The following EIF4ENIF1 variants were observed in gnomAD, a reference collection of about 807,000 sequenced individuals.
The protein encoded by EIF4ENIF1 is eukaryotic translation initiation factor 4E transporter.
In EIF4ENIF1, 23 loss-of-function variants were observed where a neutral mutation model predicts 110.5. That is an observed-to-expected ratio of 0.21 (90% CI 0.15 to 0.29). The LOEUF (loss-of-function observed/expected upper bound fraction) is 0.29, where lower values mean the gene tolerates loss of function less well. EIF4ENIF1 is among the 10% of genes least tolerant of loss of function. The probability of loss-of-function intolerance (pLI) is 1.00; values close to 1 mark genes in which losing one functional copy is unlikely to be tolerated. For synonymous variants in EIF4ENIF1, 440 were observed against 437.0 expected, an observed-to-expected ratio of 1.01 and a Z score of -0.09; for missense variants, 1,031 against 1,221.1, an observed-to-expected ratio of 0.84 and a Z score of 2.32.
At chr22:31,493,395 C>T (rs953643030), upstream of EIF4ENIF1, among the ~76,000 whole-genome samples, 1 of 152,008 alleles carries the variant, frequency 6.6e-6, no homozygotes, top group African/African-American at 2.4e-5. Context: ...GTGGCACAAT[C>T]GGCTCACTCA....
At chr22:31,486,469 A>T (rs28867107) in intron 2 of EIF4ENIF1, among the ~76,000 whole-genome samples, 11 of 151,656 alleles carry the variant, frequency 7.3e-5, no homozygotes, top group Admixed American at 2.6e-4. Context: ...GGCTCAAAAA[A>T]AATAATAAAC....
Position 31,440,048 on chromosome 22 carries a change from G to T in EIF4ENIF1, c.2790C>A (p.Ser930Arg). 1 of 1,614,068 alleles carries T rather than the reference G, an allele frequency of 6.2e-7. No individual in the cohort carries two copies. The highest frequency in any genetic ancestry group is 8.5e-7 in the Non-Finnish European group (1 of 1,179,956). ...AGTGCATGTGGGGCAGGCCTGACCG[G>T]CTGGGCACGTTCTGAGGGGTTGTCT... ...SVQTTPQNVPSRSGLPHMHSQ... is the reference protein window; with the variant it reads ...SVQTTPQNVPRRSGLPHMHSQ... Residue 930 changes from serine (S) to arginine (R), a missense_variant, in exon 19 of 19, where the codon AGC becomes AGA. Physicochemically the swap from Ser to Arg is moderately radical, Grantham distance 110. Around this residue, in one of 3 missense-constraint regions of EIF4ENIF1, gnomAD observed 309 missense variants for 299.1 expected, o/e 1.03. Coordinates refer to ENST00000330125, the MANE Select transcript of EIF4ENIF1 (RefSeq NM_019843.4).
At chr22:31,449,320 A>C in intron 12 of EIF4ENIF1, 28 bp downstream of exon 12, 2 of 1,607,544 alleles carry the variant, frequency 1.2e-6, no homozygotes, top group Non-Finnish European at 1.7e-6. Flanking sequence ...ATAAATTCAT[A>C]TTTCTTTTGA....
At chr22:31,454,036 A>G in intron 10 of EIF4ENIF1, 108 bp downstream of exon 10, 1 of 995,768 alleles carries the variant, frequency 1.0e-6, no homozygotes, top group South Asian at 1.7e-5. Flanking sequence ...TGACTACTAA[A>G]GAATTTCCAA....
chr22:31,467,413 AAAC>A (rs1205129766), intron 4 of EIF4ENIF1, among the ~76,000 whole-genome samples: 2 of 152,192 alleles, frequency 1.3e-5, no homozygotes, highest in African/African-American at 2.4e-5. Flanking sequence ...TTTCACCCTT[AAAC>A]AACGTTTCTA....
chr22:31,477,380 AAAAC>A (rs555002263), intron 2 of EIF4ENIF1, among the ~76,000 whole-genome samples: 8,739 of 85,342 alleles, frequency 0.1, 762 homozygotes, highest in African/African-American at 0.2. Flanking sequence ...AAAAACAAAA[AAAAC>A]AAAAAAAGAG....
rs917786977 is a variant in EIF4ENIF1 at position 31,444,441 on chromosome 22, G to A, written c.2073+165C>T. ...TCATTAAAATCCTAAGACTTAGACT[G>A]TGTCCTAAAAGGGAAAGACCTAATA... On this transcript the variant is annotated intron_variant, in intron 15 of 18. Coordinates refer to ENST00000330125, the MANE Select transcript of EIF4ENIF1 (RefSeq NM_019843.4). 4 of 669,046 alleles carry A rather than the reference G, an allele frequency of 6.0e-6. No homozygotes were observed. The East Asian group carries it at 1.1e-4, about 18-fold the overall frequency. 41.4% of individuals were successfully genotyped at this position (669,046 alleles called of 1,614,324 possible).
intron 2 of EIF4ENIF1, among the ~76,000 whole-genome samples, chr22:31,477,638 C>CA (rs1257298929): frequency 1.3e-5 from 2 of 152,174 alleles, no homozygotes; most frequent in African/African-American, 4.8e-5. Context: ...GAGCAGAAGG[C>CA]AGAGTAGCAA....
At chr22:31,461,885 G>C (rs377021645) in intron 6 of EIF4ENIF1, 1 of 152,134 alleles carries the variant, frequency 6.6e-6, no homozygotes, top group South Asian at 2.1e-4. Context: ...AAGTGTCCTT[G>C]AGTTACTTAA....
intron 2 of EIF4ENIF1, among the ~76,000 whole-genome samples, chr22:31,486,518 C>G (rs370460079): frequency 6.6e-6 from 1 of 152,058 alleles, no homozygotes; most frequent in African/African-American, 2.4e-5. Context: ...GTGGCTCACA[C>G]GTGTAATCCC....
At chr22:31,471,789 G>A in intron 3 of EIF4ENIF1, 55 bp downstream of exon 3, 1 of 1,421,142 alleles carries the variant, frequency 7.0e-7, no homozygotes, top group Non-Finnish European at 9.6e-7. Flanking sequence ...ACCAAGTTTG[G>A]TATAACAAAA....
At position 31,450,341 on chromosome 22, in the gene EIF4ENIF1, A is replaced by G. The variant is rs1474749354; in HGVS notation, c.1532T>C (p.Leu511Ser). The G allele has an allele frequency of 6.2e-7, 1 of 1,613,508 alleles. No individual in the cohort carries two copies. Among genetic ancestry groups the G allele is most frequent in the Non-Finnish European group, 8.5e-7 (1 of 1,179,564 alleles). Residue 511 changes from leucine to serine, a missense_variant, in exon 11 of 19, where the codon TTG becomes TCG. Coordinates refer to ENST00000330125, the MANE Select transcript of EIF4ENIF1 (RefSeq NM_019843.4). ...PKVSRNLESH[L>S]MSPAEIPGQP... ...GCCTGGAATCTCAGCAGGGGACATC[A>G]AATGGCTTTCAAGGTTTCGCTAAAA...
At chr22:31,462,795 C>G in intron 6 of EIF4ENIF1, 137 bp downstream of exon 6, 2 of 804,236 alleles carry the variant, frequency 2.5e-6, no homozygotes, top group Non-Finnish European at 3.8e-6. Flanking sequence ...GTTGGCCAGG[C>G]TGGTCTCAAA....
chr22:31,468,893 A>G (rs1353455782), intron 3 of EIF4ENIF1, among the ~76,000 whole-genome samples: 1 of 152,204 alleles, frequency 6.6e-6, no homozygotes, highest in Non-Finnish European at 1.5e-5. Context: ...GATTACAATA[A>G]CTACGCCTGT....
chr22:31,442,148 G>T, intron 16 of EIF4ENIF1, 30 bp from the exon 17 acceptor site: 1 of 1,551,054 alleles, frequency 6.4e-7, no homozygotes, highest in Non-Finnish European at 8.8e-7. Context: ...AAATATTTTG[G>T]CAAACCTCTC....
At chr22:31,467,419 C>T (rs1037985423) in intron 4 of EIF4ENIF1, among the ~76,000 whole-genome samples, 1 of 152,166 alleles carries the variant, frequency 6.6e-6, no homozygotes, top group Non-Finnish European at 1.5e-5. Context: ...CCTTAAACAA[C>T]GTTTCTAAAG....
At chr22:31,458,285 G>C (rs931243651) in intron 7 of EIF4ENIF1, among the ~76,000 whole-genome samples, 190 bp downstream of exon 7, 2 of 147,310 alleles carry the variant, frequency 1.4e-5, no homozygotes, top group African/African-American at 2.5e-5. Context: ...GCTTAAAAAA[G>C]AGTTAACTGG....
chr22:31,486,954 C>T (rs1293833033), intron 2 of EIF4ENIF1, among the ~76,000 whole-genome samples: 4 of 150,652 alleles, frequency 2.7e-5, no homozygotes, highest in Non-Finnish European at 5.9e-5. Context: ...GGCATGTTGA[C>T]GCGTGCCTGT....
At chr22:31,442,256 A>AG (rs1252877536) in intron 16 of EIF4ENIF1, 138 bp from the exon 17 acceptor site, 14 of 684,822 alleles carry the variant, frequency 2.0e-5, no homozygotes, top group Non-Finnish European at 2.9e-5. Flanking sequence ...ACTACACGGT[A>AG]GGAACCATCG....
Sources: gnomAD v4.1 joint callset for allele counts (sites outside exome capture counted in the v4.1 genomes callset) on GRCh38, gnomAD v4.1.1 for gene constraint, gnomAD v4.1.1 regional missense constraint, MANE v1.5 for transcripts, NCBI Gene and HGNC (gene_info 2026-07-23, HGNC 2026-07-21) for gene names.